THSD1: variants seen among roughly 807,000 people sequenced by gnomAD.
THSD1 encodes thrombospondin type-1 domain-containing protein 1.
Under a neutral mutation model 46.3 loss-of-function variants are expected in THSD1, and 34 were observed. That is an observed-to-expected ratio of 0.74 (90% CI 0.56 to 0.98). The LOEUF is 0.98. Among genes scored for constraint, THSD1 ranks in the 50% least tolerant of loss-of-function variants. THSD1 has a pLI of 0.00. For missense variants in THSD1, 1,023 were observed against 1,058.3 expected, an observed-to-expected ratio of 0.97 and a Z score of 0.46; for synonymous variants, 407 against 416.5, an observed-to-expected ratio of 0.98 and a Z score of 0.28.
At chr13:52,381,530 G>C (rs767155000) in intron 4 of THSD1, among the ~76,000 whole-genome samples, 1 of 152,172 alleles carries the variant, frequency 6.6e-6, no homozygotes, top group Non-Finnish European at 1.5e-5. Flanking sequence ...CATCAGGCAA[G>C]TACATGCCCA....
chr13:52,396,233 T>A (rs1307887648), intron 3 of THSD1, among the ~76,000 whole-genome samples: 1 of 151,802 alleles, frequency 6.6e-6, no homozygotes, highest in East Asian at 1.9e-4. Context: ...GGGATAAAGA[T>A]AAAAAGCAGG....
chr13:52,380,260 C>G (rs1957681531), intron 4 of THSD1, among the ~76,000 whole-genome samples: 1 of 152,240 alleles, frequency 6.6e-6, no homozygotes, highest in Non-Finnish European at 1.5e-5. Flanking sequence ...CCTTTGGTCA[C>G]CAGTCCTATG....
At chr13:52,397,020 T>G (rs865840951) in intron 3 of THSD1, among the ~76,000 whole-genome samples, 5 of 152,194 alleles carry the variant, frequency 3.3e-5, no homozygotes, top group Admixed American at 2.0e-4. Flanking sequence ...ATTGCCCCTA[T>G]TTTACTGATG....
At chr13:52,391,419 T>C (rs1356325866) in intron 3 of THSD1, among the ~76,000 whole-genome samples, 4 of 152,004 alleles carry the variant, frequency 2.6e-5, no homozygotes, top group Non-Finnish European at 5.9e-5. Flanking sequence ...GTTTTTGCTA[T>C]GTTGCCCAGG....
Position 52,378,204 on chromosome 13 carries a change from G to A in THSD1, c.1766C>T (p.Ser589Phe). The change falls in exon 5 of 5, where the codon TCC becomes TTC. Residue 589 changes from serine to phenylalanine, a missense_variant. By Grantham distance (155) the Ser-to-Phe change is radical. Around this residue, in one of 3 missense-constraint regions of THSD1, gnomAD observed 578 missense variants for 497.4 expected, o/e 1.16. Transcript: ENST00000258613. Reference sequence around the variant, plus strand: ...GACCGCGGGCTGCTCCGGAAATGGGGATTTGATCCGGAACTTGTTTGCTGC... The same window carrying A: ...GACCGCGGGCTGCTCCGGAAATGGGAATTTGATCCGGAACTTGTTTGCTGC... ...EAAANKFRIKSPFPEQPAVSA... is the reference protein window; with the variant it reads ...EAAANKFRIKFPFPEQPAVSA... 1 of 1,614,212 alleles carries A rather than the reference G, an allele frequency of 6.2e-7. No homozygotes were observed. The highest frequency in any genetic ancestry group is 8.5e-7 in the Non-Finnish European group (1 of 1,180,040).
intron 4 of THSD1, chr13:52,384,136 A>T (rs190205569): frequency 2.9e-6 from 1 of 344,626 alleles, no homozygotes; most frequent in East Asian, 7.8e-5. Context: ...GTGAGCCGAG[A>T]TCGCACCATT....
At position 52,384,549 on chromosome 13, in the gene THSD1, G is replaced by A. The variant is rs183944885; in HGVS notation, c.1180+1479C>T. The A allele has an allele frequency of 9.6e-5, 33 of 342,770 alleles. No homozygotes were observed. In the East Asian group the frequency reaches 2.3e-3, roughly 24 times the overall value. The allele number at this position is 342,770 out of a possible 1,614,324, so 21.2% of individuals were successfully genotyped here. A position where few individuals can be genotyped will look rare whatever the true frequency, so the allele number is the denominator to read the frequency against. On this transcript the variant is annotated intron_variant, in intron 4 of 4. Coordinates refer to ENST00000258613, the MANE Select transcript of THSD1 (RefSeq NM_018676.4). ...AATGATACCTACCTTGTGGAATTAC[G>A]GTGAGCCTTAAGTGAGATAATGTAT... is the stretch of plus-strand genomic sequence containing the variant.
intron 3 of THSD1, among the ~76,000 whole-genome samples, chr13:52,394,368 C>G (rs942375007): frequency 6.6e-6 from 1 of 152,120 alleles, no homozygotes; most frequent in South Asian, 2.1e-4. Context: ...AATCCCAGCA[C>G]TTTGGGAGGC....
In THSD1 at chr13:52,378,636, C is replaced by T; in HGVS notation, c.1334G>A (p.Cys445Tyr). The change falls in exon 5 of 5, where the codon TGC becomes TAC. Residue 445 changes from cysteine to tyrosine, a missense_variant. This residue lies in a region of THSD1 where 578 missense variants were observed against 497.4 expected (regional missense o/e 1.16). Coordinates refer to ENST00000258613, the MANE Select transcript of THSD1 (RefSeq NM_018676.4). ...LWRRFGRPAK[C>Y]STPARHNSIH... Reference sequence around the variant, plus strand: ...GGAGTTGTGTCGAGCAGGTGTGCTGCACTTGGCTGGCCGGCCGAACCTCCT... The same window carrying T: ...GGAGTTGTGTCGAGCAGGTGTGCTGTACTTGGCTGGCCGGCCGAACCTCCT... 6.2e-7 allele frequency: 1 copy of T among 1,614,108 alleles called. No homozygotes were observed. The highest frequency in any genetic ancestry group is 8.5e-7 in the Non-Finnish European group (1 of 1,180,036).
At position 52,397,826 on chromosome 13, in the gene THSD1, C is replaced by A. The variant is rs538776507; in HGVS notation, c.427G>T (p.Gly143Cys). 3 of 1,614,270 alleles carry A rather than the reference C, an allele frequency of 1.9e-6. No individual in the cohort carries two copies. In the East Asian group the frequency reaches 6.7e-5, roughly 36 times the overall value. The change falls in exon 3 of 5, where the codon GGC becomes TGC. Residue 143 changes from glycine (G) to cysteine (C), a missense_variant. By Grantham distance (159) the Gly-to-Cys change is radical. Transcript: ENST00000258613. ...DLNRSAKAAEGTFQVGLFTSQ... is the reference protein window; with the variant it reads ...DLNRSAKAAECTFQVGLFTSQ... ...GTAAATAGGCCCACTTGGAAGGTGC[C>A]TTCTGCTGCCTTGGCACTCCTATTC...
intron 4 of THSD1, among the ~76,000 whole-genome samples, chr13:52,382,713 C>T (rs2137726591): frequency 6.6e-6 from 1 of 152,250 alleles, no homozygotes; most frequent in African/African-American, 2.4e-5. Flanking sequence ...CAAATATCAC[C>T]TCCTTGGCCG....
intron 3 of THSD1, 67 bp downstream of exon 3, chr13:52,397,164 TA>T: frequency 1.4e-6 from 2 of 1,380,860 alleles, no homozygotes; most frequent in Non-Finnish European, 9.8e-7. Context: ...AAATTTCACC[TA>T]AATTCTAAAT....
At chr13:52,388,168 G>T (rs985187904) in intron 3 of THSD1, among the ~76,000 whole-genome samples, 3 of 148,396 alleles carry the variant, frequency 2.0e-5, no homozygotes, top group Non-Finnish European at 4.5e-5. Flanking sequence ...GAAAGAAAAA[G>T]CTACCACCCC....
intron 4 of THSD1, among the ~76,000 whole-genome samples, chr13:52,380,325 C>A (rs1020563011): frequency 1.4e-4 from 15 of 108,180 alleles, no homozygotes; most frequent in Non-Finnish European, 3.0e-4. Context: ...CTTCTCCACC[C>A]GTCCTCCCAC....
chr13:52,386,008 A>G lies in THSD1; in HGVS notation c.1180+20T>C. 1 of 1,611,654 alleles carries G rather than the reference A, an allele frequency of 6.2e-7. No homozygotes were observed. The highest frequency in any genetic ancestry group is 1.1e-5 in the South Asian group (1 of 90,816). On this transcript the variant is annotated intron_variant, in intron 4 of 4. Transcript: ENST00000258613. Reference sequence around the variant, plus strand: ...TGAAGGCTCTGAGGAGAGACTCCCGAAGGAAGCAAGAATACCTACCAGCAC... The same window carrying G: ...TGAAGGCTCTGAGGAGAGACTCCCGGAGGAAGCAAGAATACCTACCAGCAC...
At chr13:52,402,512 C>G (rs748789858) in intron 2 of THSD1, 31 bp downstream of exon 2, 1 of 1,597,232 alleles carries the variant, frequency 6.3e-7, no homozygotes, top group African/African-American at 1.3e-5. Flanking sequence ...TTATTGCTAC[C>G]AGTAGCGTTA....
intron 4 of THSD1, among the ~76,000 whole-genome samples, chr13:52,385,209 T>C (rs1306176602): frequency 6.6e-6 from 1 of 152,294 alleles, no homozygotes; most frequent in Non-Finnish European, 1.5e-5. Flanking sequence ...AATGACAAGA[T>C]AAAATCCTTG....
At chr13:52,390,360 G>C (rs955997403) in intron 3 of THSD1, among the ~76,000 whole-genome samples, 2 of 151,982 alleles carry the variant, frequency 1.3e-5, no homozygotes, top group Non-Finnish European at 2.9e-5. Flanking sequence ...GAGCCAAGTG[G>C]TGCAATCTTT....
Position 52,379,743 on chromosome 13 carries a change from G to A in THSD1, c.1181-954C>T, listed in dbSNP as rs543224934. ...CCACCTCGGCCTCCCAAAGTGCTGG[G>A]ATTACAGGTGTGAGCCACTGCGCCC... On this transcript the variant is annotated intron_variant, in intron 4 of 4. Transcript: ENST00000258613. Among the ~76,000 whole-genome samples, 15 of 152,282 alleles carry A rather than the reference G, an allele frequency of 9.9e-5. No homozygotes were observed. The South Asian group carries it at 1.2e-3, about 13-fold the overall frequency.
Sources: gnomAD v4.1 joint callset for allele counts (sites outside exome capture counted in the v4.1 genomes callset) on GRCh38, gnomAD v4.1.1 for gene constraint, gnomAD v4.1.1 regional missense constraint, MANE v1.5 for transcripts, NCBI Gene and HGNC (gene_info 2026-07-23, HGNC 2026-07-21) for gene names.